CDH17: variants seen among roughly 807,000 people sequenced by gnomAD.
The protein encoded by CDH17 is cadherin 17.
Under a neutral mutation model 86.3 loss-of-function variants are expected in CDH17, and 67 were observed. The ratio of observed to expected loss-of-function variants is 0.78; its 90% CI spans 0.64 to 0.95. The LOEUF is 0.95. CDH17 is among the 40% of genes least tolerant of loss of function. The pLI is 0.00. For synonymous variants in CDH17, 367 were observed against 366.4 expected (o/e 1.00, Z -0.02); for missense variants, 993 against 1,017.6 (o/e 0.98, Z 0.33).
At chr8:94,147,576 T>A (rs10504933) in intron 14 of CDH17, among the ~76,000 whole-genome samples, 28,400 of 152,098 alleles carry the variant, frequency 0.19, 2,807 homozygotes, top group East Asian at 0.31. Context: ...CAGATACATT[T>A]ACTAGCTAAT....
intron 10 of CDH17, among the ~76,000 whole-genome samples, chr8:94,164,946 A>G (rs1224972172): frequency 6.6e-6 from 1 of 152,206 alleles, no homozygotes; most frequent in Non-Finnish European, 1.5e-5. Context: ...CTGCAATTGT[A>G]TAAGGAGTAT....
In CDH17 at chr8:94,197,820, G is replaced by T. The variant is rs1170538118; in HGVS notation, c.-20-3115C>A. ...TACTCCAGCCTGGGTGATGGAACGA[G>T]ACTCTGTCTAAAAAAAAAAAAAAAA... On this transcript the variant is annotated intron_variant, in intron 1 of 17. Coordinates refer to ENST00000027335, the MANE Select transcript of CDH17 (RefSeq NM_004063.4). Among the ~76,000 whole-genome samples the T allele has an allele frequency of 3.0e-5, 4 of 134,710 alleles. No individual in the cohort carries two copies. In the East Asian group the frequency reaches 8.5e-4, roughly 29 times the overall value. The allele number at this position is 134,710 out of a possible 152,430, so 88.4% of individuals were successfully genotyped here.
chr8:94,146,307 T>A, intron 14 of CDH17, 140 bp from the exon 15 acceptor site: 2 of 650,912 alleles, frequency 3.1e-6, no homozygotes, highest in Non-Finnish European at 4.6e-6. Context: ...ATCAAAGACC[T>A]AGTTTCATTA....
Position 94,128,203 on chromosome 8 carries a change from G to T in CDH17, c.*37C>A. Reference sequence around the variant, plus strand: ...GGATGAGATGGTTGTTGCTGAAATAGCACTTGCTATATAAATTCAAACATT... The same window carrying T: ...GGATGAGATGGTTGTTGCTGAAATATCACTTGCTATATAAATTCAAACATT... On this transcript the variant is annotated 3_prime_UTR_variant, in exon 18 of 18. Coordinates refer to ENST00000027335, the MANE Select transcript of CDH17 (RefSeq NM_004063.4). 1.5e-6 allele frequency: 2 copies of T among 1,307,048 alleles called. No homozygotes were observed. Among genetic ancestry groups the T allele is most frequent in the Non-Finnish European group, 2.2e-6 (2 of 903,154 alleles). 81.0% of individuals were successfully genotyped at this position (1,307,048 alleles called of 1,614,324 possible).
chr8:94,134,343 G>C lies in CDH17; in HGVS notation c.2168-3351C>G, dbSNP rs757681866. ...GCCTCAATTTCAGAGCCTGTTATTG[G>C]TCTATTCAGAGATTCAACTTCTTCC... On this transcript the variant is annotated intron_variant, in intron 15 of 17. Coordinates refer to ENST00000027335, the MANE Select transcript of CDH17 (RefSeq NM_004063.4). Among the ~76,000 whole-genome samples the C allele has an allele frequency of 5.9e-5, 9 of 152,130 alleles. 1 individual carries two copies. The highest frequency in any genetic ancestry group is 1.0e-4 in the Non-Finnish European group (7 of 68,020).
chr8:94,176,985 T>C (rs1181511503), intron 4 of CDH17, among the ~76,000 whole-genome samples: 1 of 152,214 alleles, frequency 6.6e-6, no homozygotes, highest in African/African-American at 2.4e-5. Flanking sequence ...TGTTGTGTTC[T>C]CTTCCAGAGC....
chr8:94,129,565 C>T (rs1812369989), intron 17 of CDH17, among the ~76,000 whole-genome samples: 1 of 152,150 alleles, frequency 6.6e-6, no homozygotes, highest in Non-Finnish European at 1.5e-5. Flanking sequence ...CCTAGTCCTT[C>T]TTTTAAAAGA....
intron 4 of CDH17, 62 bp downstream of exon 4, chr8:94,177,525 T>A (rs929567667): frequency 3.0e-5 from 47 of 1,580,034 alleles, no homozygotes; most frequent in Non-Finnish European, 3.8e-5. Flanking sequence ...CCAGCCATAC[T>A]TCCAGAACAA....
upstream of CDH17, among the ~76,000 whole-genome samples, chr8:94,209,224 TG>T (rs1240879088): frequency 6.6e-6 from 1 of 152,232 alleles, no homozygotes; most frequent in Admixed American, 6.5e-5. Context: ...ATGAGGTTTT[TG>T]ATTAACCAAT....
Position 94,194,533 on chromosome 8 carries a change from C to A in CDH17, c.51+102G>T, listed in dbSNP as rs562115088. 3.8e-5 allele frequency: 30 copies of A among 792,540 alleles called. No individual in the cohort carries two copies. In the East Asian group the frequency reaches 6.9e-4, roughly 18 times the overall value. 49.1% of individuals were successfully genotyped at this position (792,540 alleles called of 1,614,324 possible). On this transcript the variant is annotated intron_variant, in intron 2 of 17. Coordinates refer to ENST00000027335, the MANE Select transcript of CDH17 (RefSeq NM_004063.4). Reference sequence around the variant, plus strand: ...CAACAACTTAATTTTGATAGGTCATCTTTTTTTAAGTAATAATAGCCATTC... The same window carrying A: ...CAACAACTTAATTTTGATAGGTCATATTTTTTTAAGTAATAATAGCCATTC...
chr8:94,208,840 A>G, upstream of CDH17, among the ~76,000 whole-genome samples: 1 of 152,214 alleles, frequency 6.6e-6, no homozygotes, highest in East Asian at 1.9e-4. Flanking sequence ...GTATCCAACT[A>G]TCTCTAGAGT....
intron 5 of CDH17, among the ~76,000 whole-genome samples, chr8:94,174,587 T>A (rs2514815): frequency 0.21 from 32,502 of 152,170 alleles, 3,784 homozygotes; most frequent in Non-Finnish European, 0.25. Context: ...TGGTATTAAT[T>A]TTGATTTCAC....
rs948560898 is a variant in CDH17, at chr8:94,127,834, G to C, written c.*406C>G. 5.6e-6 allele frequency: 1 copy of C among 178,686 alleles called. No individual in the cohort carries two copies. The highest frequency in any genetic ancestry group is 5.6e-5 in the Admixed American group (1 of 17,876). 11.1% of individuals were successfully genotyped at this position (178,686 alleles called of 1,614,324 possible). ...TGAAATATCTAAGTAGGTGGGTGCA[G>C]TGGTTCATGCCTGTATTGGGAGACC... On this transcript the variant is annotated 3_prime_UTR_variant, in exon 18 of 18. Coordinates refer to ENST00000027335, the MANE Select transcript of CDH17 (RefSeq NM_004063.4).
chr8:94,172,790 G>T (rs1290761060), intron 7 of CDH17, among the ~76,000 whole-genome samples: 2 of 152,126 alleles, frequency 1.3e-5, no homozygotes, highest in Non-Finnish European at 2.9e-5. Flanking sequence ...GTAGGAGGGG[G>T]CCCAGGGTAA....
At chr8:94,138,910 G>A (rs567158720) in intron 15 of CDH17, among the ~76,000 whole-genome samples, 57 of 152,210 alleles carry the variant, frequency 3.7e-4, no homozygotes, top group African/African-American at 1.3e-3. Context: ...TCACAATAAA[G>A]TTCAAGAATA....
intron 12 of CDH17, among the ~76,000 whole-genome samples, chr8:94,153,888 G>T (rs923204083): frequency 6.6e-6 from 1 of 152,168 alleles, no homozygotes; most frequent in African/African-American, 2.4e-5. Context: ...AGGAGCTGGG[G>T]CATGAGGAGA....
intron 3 of CDH17, among the ~76,000 whole-genome samples, chr8:94,180,370 C>T (rs764116695): frequency 6.6e-6 from 1 of 152,058 alleles, no homozygotes; most frequent in Non-Finnish European, 1.5e-5. Context: ...TATTTGAAGA[C>T]AGAATGACCC....
chr8:94,205,685 T>C (rs1253404545), intron 1 of CDH17, among the ~76,000 whole-genome samples: 1 of 152,142 alleles, frequency 6.6e-6, no homozygotes, highest in African/African-American at 2.4e-5. Context: ...TGAAATCTCA[T>C]TCATGAATTG....
chr8:94,191,179 T>C (rs538762038), intron 2 of CDH17, among the ~76,000 whole-genome samples: 2 of 152,250 alleles, frequency 1.3e-5, no homozygotes, highest in East Asian at 3.9e-4. Context: ...TAGTTGTGGC[T>C]GCCATTGCCC....
Sources: gnomAD v4.1 joint callset for allele counts (sites outside exome capture counted in the v4.1 genomes callset) on GRCh38, gnomAD v4.1.1 for gene constraint, MANE v1.5 for transcripts, NCBI Gene and HGNC (gene_info 2026-07-23, HGNC 2026-07-21) for gene names.